SLC35F4: variants seen among roughly 807,000 people sequenced by gnomAD.
The protein encoded by SLC35F4 is chromosome 14 open reading frame 36.
In SLC35F4, 24 loss-of-function variants were observed where a neutral mutation model predicts 44.2. That is an observed-to-expected ratio of 0.54 (90% CI 0.39 to 0.76). The LOEUF (loss-of-function observed/expected upper bound fraction) is 0.76, where lower values mean the gene tolerates loss of function less well. Ranked by LOEUF, SLC35F4 falls within the 30% of genes least tolerant of loss-of-function variation. The pLI is 0.00. For missense variants in SLC35F4, 562 were observed against 586.1 expected (o/e 0.96, Z 0.42); for synonymous variants, 238 against 223.6 (o/e 1.06, Z -0.57).
intron 1 of SLC35F4, among the ~76,000 whole-genome samples, chr14:57,742,141 C>G (rs553625879): frequency 6.6e-6 from 1 of 152,202 alleles, no homozygotes; most frequent in Non-Finnish European, 1.5e-5. Flanking sequence ...AAAGACCATC[C>G]AGGCTAGGAA....
At chr14:57,829,292 G>A (rs982236321) in intron 1 of SLC35F4, among the ~76,000 whole-genome samples, 3 of 152,302 alleles carry the variant, frequency 2.0e-5, no homozygotes, top group Admixed American at 2.0e-4. Context: ...AAGCGCTCTG[G>A]CAGGAGAGAG....
chr14:57,739,579 A>G (rs1046756290), intron 1 of SLC35F4, among the ~76,000 whole-genome samples: 4 of 152,166 alleles, frequency 2.6e-5, no homozygotes, highest in African/African-American at 9.7e-5. Flanking sequence ...CCAGAAACCA[A>G]GGATCCTCCC....
chr14:57,959,241 T>A (rs888223346), intron 1 of SLC35F4, among the ~76,000 whole-genome samples: 1 of 152,228 alleles, frequency 6.6e-6, no homozygotes, highest in African/African-American at 2.4e-5. Flanking sequence ...ACTTTAAGAA[T>A]AATAAAATTT....
chr14:57,610,561 T>C (rs1290253689), intron 1 of SLC35F4, among the ~76,000 whole-genome samples: 1 of 152,208 alleles, frequency 6.6e-6, no homozygotes, highest in Non-Finnish European at 1.5e-5. Flanking sequence ...ATCTAACCCT[T>C]CGGTTTCTCT....
intron 6 of SLC35F4, 81 bp downstream of exon 6, chr14:57,569,707 G>T: frequency 7.3e-7 from 1 of 1,377,968 alleles, no homozygotes; most frequent in East Asian, 2.6e-5. Context: ...GTTACCCAAG[G>T]AAATAATCCT....
chr14:57,719,450 G>A (rs1450782697), intron 1 of SLC35F4, among the ~76,000 whole-genome samples: 2 of 152,160 alleles, frequency 1.3e-5, no homozygotes, highest in South Asian at 2.1e-4. Flanking sequence ...TTCAATCCAT[G>A]AACATGGAAT....
chr14:57,729,019 G>A (rs2076282725), intron 1 of SLC35F4, among the ~76,000 whole-genome samples: 1 of 152,134 alleles, frequency 6.6e-6, no homozygotes, highest in Non-Finnish European at 1.5e-5. Context: ...TGAAAAGTCT[G>A]CTGCCAGACA....
At chr14:57,610,453 C>G (rs1417308680) in intron 1 of SLC35F4, among the ~76,000 whole-genome samples, 3 of 152,150 alleles carry the variant, frequency 2.0e-5, no homozygotes, top group African/African-American at 4.8e-5. Flanking sequence ...ACTGTACCAT[C>G]TGGACTCAAT....
intron 1 of SLC35F4, among the ~76,000 whole-genome samples, chr14:57,707,282 T>C (rs895918337): frequency 1.3e-5 from 2 of 152,164 alleles, no homozygotes; most frequent in Non-Finnish European, 2.9e-5. Context: ...AAATCTCATC[T>C]TGAATTGCAG....
Position 57,822,539 on chromosome 14 carries a change from T to C in SLC35F4, c.103+43184A>G, listed in dbSNP as rs139407796. ...CTGACAGTTCTTAAGTTTTATTTTC[T>C]CCTTTTTTTTCATGGCCTCTTATTG... On this transcript the variant is annotated intron_variant, in intron 1 of 7. Coordinates refer to ENST00000556826, the MANE Select transcript of SLC35F4 (RefSeq NM_001306087.2). Among the ~76,000 whole-genome samples the C allele has an allele frequency of 5.7e-4, 87 of 152,262 alleles. No individual in the cohort carries two copies. The East Asian group carries it at 0.016, about 27-fold the overall frequency.
downstream of SLC35F4, among the ~76,000 whole-genome samples, chr14:57,973,549 G>A (rs1881117558): frequency 6.6e-6 from 1 of 152,158 alleles, no homozygotes; most frequent in African/African-American, 2.4e-5. Context: ...GGAAGGGCAT[G>A]CTGTCACCCG....
At chr14:57,742,964 G>C (rs144008737) in intron 1 of SLC35F4, among the ~76,000 whole-genome samples, 63 of 152,280 alleles carry the variant, frequency 4.1e-4, no homozygotes, top group South Asian at 6.2e-4. Context: ...ACCTGCTCCT[G>C]AATGACTACT....
intron 1 of SLC35F4, among the ~76,000 whole-genome samples, chr14:57,615,219 C>T (rs1206661248): frequency 1.3e-5 from 2 of 152,172 alleles, no homozygotes; most frequent in Non-Finnish European, 2.9e-5. Context: ...GAGAACATTT[C>T]ACTAAGAAAG....
intron 1 of SLC35F4, among the ~76,000 whole-genome samples, chr14:57,902,575 AAAG>A (rs543650117): frequency 2.0e-4 from 30 of 149,996 alleles, no homozygotes; most frequent in Non-Finnish European, 3.0e-4. Context: ...AAAAAAAAAA[AAAG>A]AAGAAGAAGA....
At chr14:57,701,715 T>C (rs895995544) in intron 1 of SLC35F4, among the ~76,000 whole-genome samples, 1 of 152,210 alleles carries the variant, frequency 6.6e-6, no homozygotes, top group African/African-American at 2.4e-5. Flanking sequence ...ATACCTATGA[T>C]AAAGTTTAAT....
At chr14:57,615,596 T>C (rs185885581) in intron 1 of SLC35F4, among the ~76,000 whole-genome samples, 2 of 151,668 alleles carry the variant, frequency 1.3e-5, no homozygotes, top group Non-Finnish European at 2.9e-5. Context: ...AGGGTTAGAT[T>C]TGGAGCTTTT....
At chr14:57,844,548 G>C (rs1309280014) in intron 1 of SLC35F4, among the ~76,000 whole-genome samples, 2 of 152,168 alleles carry the variant, frequency 1.3e-5, no homozygotes, top group Non-Finnish European at 2.9e-5. Context: ...CTCCTATACT[G>C]TGTCAGGCAC....
chr14:57,923,617 C>T (rs554280728), intron 1 of SLC35F4, among the ~76,000 whole-genome samples: 3 of 152,228 alleles, frequency 2.0e-5, no homozygotes, highest in African/African-American at 4.8e-5. Context: ...TTCACATCAG[C>T]TCCAAAGCCT....
chr14:57,799,768 G>T (rs984950457), intron 1 of SLC35F4, among the ~76,000 whole-genome samples: 113 of 152,130 alleles, frequency 7.4e-4, no homozygotes, highest in African/African-American at 2.5e-3. Flanking sequence ...CTTTAAGCAG[G>T]ATCCCGATCC....
Sources: allele counts gnomAD v4.1 joint callset (sites outside exome capture counted in the v4.1 genomes callset), GRCh38; gene constraint gnomAD v4.1.1; transcripts MANE v1.5; gene names NCBI Gene and HGNC (gene_info 2026-07-23, HGNC 2026-07-21).